Variants in SLC12A6 observed in about 807,000 individuals in gnomAD.
SLC12A6 encodes K-Cl cotransporter 3.
Under a neutral mutation model 135.3 loss-of-function variants are expected in SLC12A6, and 66 were observed. The ratio of observed to expected loss-of-function variants is 0.49; its 90% CI spans 0.40 to 0.60. The LOEUF is 0.60. Among genes scored for constraint, SLC12A6 ranks in the 20% least tolerant of loss-of-function variants. The probability of loss-of-function intolerance (pLI) is 0.00; values close to 1 mark genes in which losing one functional copy is unlikely to be tolerated. For missense variants in SLC12A6, 1,058 were observed against 1,452.3 expected (o/e 0.73, Z 4.41); for synonymous variants, 513 against 508.8 (o/e 1.01, Z -0.11).
intron 2 of SLC12A6, among the ~76,000 whole-genome samples, chr15:34,333,353 C>T (rs1301066512): frequency 2.0e-5 from 3 of 151,890 alleles, no homozygotes; most frequent in Non-Finnish European, 2.9e-5. Context: ...TCAAGGCCTC[C>T]CGAGCAGCTG....
chr15:34,329,114 TG>T (rs1414672718), intron 2 of SLC12A6, among the ~76,000 whole-genome samples: 3 of 152,222 alleles, frequency 2.0e-5, no homozygotes, highest in Admixed American at 6.5e-5. Flanking sequence ...CTTAAACTCA[TG>T]TAACTTCATT....
At position 34,277,996 on chromosome 15, in the gene SLC12A6, G is replaced by A. The variant is rs143522902; in HGVS notation, c.272-2607C>T. 6.6e-3 allele frequency among the ~76,000 whole-genome samples: 1,004 copies of A among 152,274 alleles called. 10 individuals carry two copies. Among genetic ancestry groups the A allele is most frequent in the South Asian group, 0.047 (229 of 4,822 alleles). ...TCTAACTTTCTTGTTCTAAAACAAG[G>A]TATGATAGGCTAAAACAAGTTATTC... On this transcript the variant is annotated intron_variant, in intron 2 of 25. Transcript: ENST00000354181.
At chr15:34,285,873 A>T (rs191247261) in intron 2 of SLC12A6, among the ~76,000 whole-genome samples, 165 of 152,252 alleles carry the variant, frequency 1.1e-3, no homozygotes, top group African/African-American at 3.9e-3. Context: ...AGTTATCTAA[A>T]GGAGTCAAAT....
At chr15:34,248,332 T>C (rs967937528) in intron 13 of SLC12A6, among the ~76,000 whole-genome samples, 8 of 152,234 alleles carry the variant, frequency 5.3e-5, no homozygotes, top group African/African-American at 1.9e-4. Context: ...TTAGTCTTGA[T>C]GCACATGTGC....
rs372465430 is a variant in SLC12A6, at chr15:34,254,542, G to C, written c.924C>G (p.Leu308=). The part of the protein sequence containing the change: ...RAAIFHSDDA[L]KESAAMLNNM... ...TATTTAGCATGGCTGCTGATTCCTT[G>C]AGTGCGTCATCACTGTGAAAGATGG... The change falls in exon 9 of 26, where the codon CTC becomes CTG. Residue 308 remains leucine, a synonymous_variant. Transcript: ENST00000354181. 4.3e-5 allele frequency: 69 copies of C among 1,610,022 alleles called. No homozygotes were observed. The Middle Eastern group carries it at 4.9e-4, about 12-fold the overall frequency.
At chr15:34,268,855 C>CTTTTTTTT (rs149179838) in intron 3 of SLC12A6, among the ~76,000 whole-genome samples, 3 of 148,924 alleles carry the variant, frequency 2.0e-5, no homozygotes, top group African/African-American at 7.4e-5. Context: ...TTCTTTTTTT[C>CTTTTTTTT]TTTCTTTCTT....
chr15:34,254,365 A>G lies in SLC12A6; in HGVS notation c.1101T>C (p.Phe367=). 1 of 1,613,832 alleles carries G rather than the reference A, an allele frequency of 6.2e-7. No homozygotes were observed. Among genetic ancestry groups the G allele is most frequent in the Non-Finnish European group, 8.5e-7 (1 of 1,179,700 alleles). The stretch of plus-strand genomic sequence containing the variant: ...ACACGTACGGGAAGTGTGGAGGAGC[A>G]AAAGAAGACTTGATGGCTCCAGCAT... The part of the protein sequence containing the change: ...AIYAGAIKSS[F]APPHFPVCML... The change falls in exon 9 of 26, where the codon TTT becomes TTC. Residue 367 remains phenylalanine (F), a synonymous_variant. Coordinates refer to ENST00000354181, the MANE Select transcript of SLC12A6 (RefSeq NM_001365088.1).
At chr15:34,286,610 C>T (rs916963113) in intron 2 of SLC12A6, among the ~76,000 whole-genome samples, 2 of 151,718 alleles carry the variant, frequency 1.3e-5, no homozygotes, top group African/African-American at 4.8e-5. Flanking sequence ...GACTGGCCAG[C>T]ATGGTGAAAC....
At chr15:34,283,380 T>TAATC (rs10687936) in intron 2 of SLC12A6, among the ~76,000 whole-genome samples, 58,320 of 151,630 alleles carry the variant, frequency 0.38, 14,204 homozygotes, top group African/African-American at 0.71. Flanking sequence ...AGATAATTAA[T>TAATC]AAGATAATTT....
At chr15:34,248,696 G>A (rs975653535) in intron 13 of SLC12A6, among the ~76,000 whole-genome samples, 5 of 152,046 alleles carry the variant, frequency 3.3e-5, no homozygotes, top group African/African-American at 1.2e-4. Context: ...CAACGTGTAG[G>A]GGAGAGTAAT....
rs1278059694 is a variant in SLC12A6 at position 34,241,222 on chromosome 15, G to A, written c.2267+11C>T. ...CCATGTGCCAAATACTGCTAGTGTTGATTTCTTTACCTCCAGTTTTTAGTG... is the reference window on the plus strand; with the variant it reads ...CCATGTGCCAAATACTGCTAGTGTTAATTTCTTTACCTCCAGTTTTTAGTG... On this transcript the variant is annotated intron_variant, in intron 18 of 25. Coordinates refer to ENST00000354181, the MANE Select transcript of SLC12A6 (RefSeq NM_001365088.1). 7.1e-7 allele frequency: 1 copy of A among 1,406,486 alleles called. No individual in the cohort carries two copies. Among genetic ancestry groups the A allele is most frequent in the Non-Finnish European group, 1.0e-6 (1 of 990,464 alleles). 87.1% of individuals were successfully genotyped at this position (1,406,486 alleles called of 1,614,324 possible).
chr15:34,289,370 G>C (rs1895353421), intron 2 of SLC12A6, among the ~76,000 whole-genome samples: 2 of 152,184 alleles, frequency 1.3e-5, no homozygotes. Flanking sequence ...TTGATGTGCT[G>C]CTGGATTCGG....
chr15:34,329,898 T>C (rs1291812388), intron 2 of SLC12A6, among the ~76,000 whole-genome samples: 1 of 152,162 alleles, frequency 6.6e-6, no homozygotes, highest in Non-Finnish European at 1.5e-5. Flanking sequence ...TTTGCTAATC[T>C]TGTTTTGTCT....
intron 15 of SLC12A6, 79 bp downstream of exon 15, chr15:34,245,206 T>C (rs1891898568): frequency 1.2e-6 from 1 of 846,234 alleles, no homozygotes; most frequent in Non-Finnish European, 2.1e-6. Context: ...TTATCACTAC[T>C]GTTATATGAC....
intron 2 of SLC12A6, among the ~76,000 whole-genome samples, chr15:34,334,942 A>G (rs908337064): frequency 2.0e-5 from 3 of 152,216 alleles, no homozygotes; most frequent in Non-Finnish European, 4.4e-5. Flanking sequence ...AAGAATAAAA[A>G]TACAATTCTG....
chr15:34,276,522 G>C (rs1894307043), intron 2 of SLC12A6, among the ~76,000 whole-genome samples: 1 of 152,168 alleles, frequency 6.6e-6, no homozygotes, highest in Non-Finnish European at 1.5e-5. Context: ...GCTAAAAACA[G>C]AAAAGACTAA....
intron 21 of SLC12A6, 95 bp downstream of exon 21, chr15:34,238,137 C>T (rs1595402877): frequency 1.1e-6 from 1 of 900,306 alleles, no homozygotes; most frequent in Admixed American, 1.8e-5. Context: ...ATTCTAAACC[C>T]CAACACTATT....
chr15:34,237,983 T>G (rs1456020680), intron 21 of SLC12A6, among the ~76,000 whole-genome samples: 1 of 152,218 alleles, frequency 6.6e-6, no homozygotes, highest in Non-Finnish European at 1.5e-5. Flanking sequence ...GTTCACTTGT[T>G]GTTTTCCCCT....
At position 34,237,431 on chromosome 15, in the gene SLC12A6, T is replaced by G; in HGVS notation, c.2922A>C (p.Glu974Asp). Residue 974 changes from glutamate (E) to aspartate (D), a missense_variant, in exon 22 of 26, where the codon GAA becomes GAC. Glu to Asp is a conservative substitution (Grantham distance 45). Transcript: ENST00000354181. ...TCAGCTTTCTCACCATCTCCACCACTTCTACCTCCGCCTCAATGCGTAAGT... is the reference window on the plus strand; with the variant it reads ...TCAGCTTTCTCACCATCTCCACCACGTCTACCTCCGCCTCAATGCGTAAGT... ...LYHLRIEAEV[E>D]VVEMHDSDIS... 1.2e-6 allele frequency: 2 copies of G among 1,612,782 alleles called. No homozygotes were observed. The highest frequency in any genetic ancestry group is 1.7e-6 in the Non-Finnish European group (2 of 1,179,184).
Sources: gnomAD v4.1 joint callset for allele counts (sites outside exome capture counted in the v4.1 genomes callset) on GRCh38, gnomAD v4.1.1 for gene constraint, MANE v1.5 for transcripts, NCBI Gene and HGNC (gene_info 2026-07-23, HGNC 2026-07-21) for gene names.